The following RFX3 variants were observed in gnomAD, a reference collection of about 807,000 sequenced individuals.
RFX3 encodes regulatory factor X3, also known as transcription factor RFX3.
In RFX3, 14 loss-of-function variants were observed where a neutral mutation model predicts 98.6. The observed-to-expected ratio is 0.14, with a 90% CI of 0.09 to 0.22. The LOEUF (loss-of-function observed/expected upper bound fraction) is 0.22, where lower values mean the gene tolerates loss of function less well. RFX3 is among the 10% of genes least tolerant of loss of function. The pLI, the probability that RFX3 is intolerant of heterozygous loss-of-function variation, is 1.00. For missense variants in RFX3, 639 were observed against 926.9 expected (o/e 0.69, Z 4.03); for synonymous variants, 383 against 328.4 (o/e 1.17, Z -1.80).
At chr9:3,279,931 G>A (rs1262362081) in intron 7 of RFX3, among the ~76,000 whole-genome samples, 1 of 151,718 alleles carries the variant, frequency 6.6e-6, no homozygotes, top group Non-Finnish European at 1.5e-5. Context: ...CAACTTTTAG[G>A]GCAAAGAAGG....
intron 3 of RFX3, among the ~76,000 whole-genome samples, chr9:3,340,209 G>C (rs1833709251): frequency 6.6e-6 from 1 of 152,150 alleles, no homozygotes; most frequent in South Asian, 2.1e-4. Context: ...TATGTAGAAA[G>C]CTGAAACTGG....
In RFX3 at chr9:3,223,249, T is replaced by C. The variant is rs1057565; in HGVS notation, c.*1793A>G. Reference sequence around the variant, plus strand: ...CAGATGTGCCTTTCTTGTGTTTTAATCATTAAATAATTTGAGTGCTTAAAA... The same window carrying C: ...CAGATGTGCCTTTCTTGTGTTTTAACCATTAAATAATTTGAGTGCTTAAAA... On this transcript the variant is annotated 3_prime_UTR_variant, in exon 17 of 17. Transcript: ENST00000617270. 136,273 of 152,148 alleles carry C rather than the reference T, an allele frequency of 0.9. 62,906 individuals carry two copies. Among genetic ancestry groups the C allele is most frequent in the East Asian group, 1 (5,177 of 5,178 alleles). The allele number at this position is 152,148 out of a possible 1,614,324, so 9.4% of individuals were successfully genotyped here.
intron 1 of RFX3, among the ~76,000 whole-genome samples, chr9:3,440,241 G>A (rs1845499822): frequency 6.6e-6 from 1 of 151,978 alleles, no homozygotes; most frequent in Non-Finnish European, 1.5e-5. Flanking sequence ...ATACTGTGCT[G>A]GACGTTCTAG....
At chr9:3,443,789 C>T (rs1330707929) in intron 1 of RFX3, among the ~76,000 whole-genome samples, 1 of 152,158 alleles carries the variant, frequency 6.6e-6, no homozygotes, top group African/African-American at 2.4e-5. Flanking sequence ...ACATGGTCTT[C>T]CACAATGGTT....
intron 1 of RFX3, chr9:3,488,946 G>A (rs1259650507): frequency 5.3e-6 from 5 of 940,448 alleles, no homozygotes; most frequent in African/African-American, 1.8e-5. Context: ...CTTGTTCCCT[G>A]TGAAGACTGA....
chr9:3,301,958 T>C (rs933946970), intron 4 of RFX3, among the ~76,000 whole-genome samples: 1 of 151,904 alleles, frequency 6.6e-6, no homozygotes, highest in Non-Finnish European at 1.5e-5. Context: ...GGATAGTAAC[T>C]ATTCTCTTTC....
intron 14 of RFX3, among the ~76,000 whole-genome samples, chr9:3,251,849 C>T (rs1039386110): frequency 1.3e-5 from 2 of 151,666 alleles, no homozygotes; most frequent in East Asian, 3.9e-4. Flanking sequence ...ATTTCTCTTT[C>T]TCTTTTTTTT....
At chr9:3,487,478 G>C (rs1335669231) in intron 1 of RFX3, among the ~76,000 whole-genome samples, 1 of 152,118 alleles carries the variant, frequency 6.6e-6, no homozygotes, top group Non-Finnish European at 1.5e-5. Flanking sequence ...GAAACTATTA[G>C]TTGGAAAGCA....
chr9:3,358,866 A>G (rs896284440), intron 2 of RFX3, among the ~76,000 whole-genome samples: 4 of 152,094 alleles, frequency 2.6e-5, no homozygotes, highest in African/African-American at 4.8e-5. Context: ...TGCCAAGCGA[A>G]GGGGAAAGCC....
At chr9:3,300,529 A>G (rs142125440) in intron 5 of RFX3, among the ~76,000 whole-genome samples, 162 of 151,946 alleles carry the variant, frequency 1.1e-3, no homozygotes, top group African/African-American at 3.8e-3. Context: ...TTCTATGAGT[A>G]AAAGTTTTAG....
intron 14 of RFX3, among the ~76,000 whole-genome samples, chr9:3,251,197 A>T (rs909249124): frequency 6.6e-6 from 1 of 152,242 alleles, no homozygotes; most frequent in African/African-American, 2.4e-5. Flanking sequence ...ATATAATTGC[A>T]AATAAAAAAT....
chr9:3,479,658 AAC>A (rs1341449568), intron 1 of RFX3, among the ~76,000 whole-genome samples: 1 of 152,208 alleles, frequency 6.6e-6, no homozygotes, highest in Non-Finnish European at 1.5e-5. Context: ...TTTTGGGGAC[AAC>A]AGAAACAAGT....
chr9:3,515,495 C>G (rs757209379), intron 1 of RFX3, among the ~76,000 whole-genome samples: 3 of 152,108 alleles, frequency 2.0e-5, no homozygotes, highest in African/African-American at 7.2e-5. Context: ...CCACCTCAAG[C>G]CCCCACACCC....
chr9:3,380,190 G>C (rs1839029961), intron 2 of RFX3, among the ~76,000 whole-genome samples: 3 of 152,074 alleles, frequency 2.0e-5, no homozygotes, highest in Admixed American at 2.0e-4. Flanking sequence ...GCCTCCCAAA[G>C]TGCTGGGATT....
chr9:3,330,829 T>C (rs1012150437), intron 3 of RFX3, among the ~76,000 whole-genome samples: 1 of 152,180 alleles, frequency 6.6e-6, no homozygotes, highest in South Asian at 2.1e-4. Context: ...ACAACTTCAA[T>C]TGCTTATAAA....
intron 1 of RFX3, among the ~76,000 whole-genome samples, chr9:3,518,919 T>TAA (rs1818439332): frequency 6.6e-6 from 1 of 152,188 alleles, no homozygotes; most frequent in South Asian, 2.1e-4. Context: ...AAGTAACAAT[T>TAA]CTAAGCAACG....
At chr9:3,287,247 G>A (rs998912500) in intron 7 of RFX3, among the ~76,000 whole-genome samples, 1 of 151,864 alleles carries the variant, frequency 6.6e-6, no homozygotes, top group African/African-American at 2.4e-5. Context: ...ATGTGGCCAA[G>A]GCAACTAATC....
intron 3 of RFX3, among the ~76,000 whole-genome samples, chr9:3,337,094 T>C (rs1394320129): frequency 6.6e-6 from 1 of 151,610 alleles, no homozygotes; most frequent in Non-Finnish European, 1.5e-5. Context: ...TAGGAGGAGG[T>C]AGGGCAATGT....
chr9:3,234,854 T>C (rs1027736221), intron 15 of RFX3, among the ~76,000 whole-genome samples: 2 of 152,166 alleles, frequency 1.3e-5, no homozygotes, highest in South Asian at 2.1e-4. Flanking sequence ...GAAAGGTATA[T>C]AAGGACTTGG....
Sources: allele counts gnomAD v4.1 joint callset (sites outside exome capture counted in the v4.1 genomes callset), GRCh38; gene constraint gnomAD v4.1.1; transcripts MANE v1.5; gene names NCBI Gene and HGNC (gene_info 2026-07-23, HGNC 2026-07-21).